Variants in SLC35D4 observed in about 807,000 individuals in gnomAD.
The protein encoded by SLC35D4 is UDP-N-acetylglucosamine transporter SLC35D4.
At chr18:23,406,896 C>T in the SLC35D4 span, among the ~76,000 whole-genome samples, 1 of 152,202 alleles carries the variant, frequency 6.6e-6, no homozygotes, top group Non-Finnish European at 1.5e-5. Flanking sequence ...CCCCAACCTC[C>T]CAGGCTCAAG....
At chr18:23,361,597 G>A in the SLC35D4 span, among the ~76,000 whole-genome samples, 1 of 152,132 alleles carries the variant, frequency 6.6e-6, no homozygotes, top group Non-Finnish European at 1.5e-5. Flanking sequence ...ACAAATCGAA[G>A]TTGCAGAGAA....
chr18:23,302,103 C>T, the SLC35D4 span, among the ~76,000 whole-genome samples: 1 of 152,146 alleles, frequency 6.6e-6, no homozygotes, highest in Non-Finnish European at 1.5e-5. Context: ...TGAAACACAC[C>T]CTTTCTCCTA....
the SLC35D4 span, among the ~76,000 whole-genome samples, chr18:23,383,585 C>G: frequency 6.6e-6 from 1 of 152,066 alleles, no homozygotes; most frequent in Non-Finnish European, 1.5e-5. Context: ...AAGCCCAGCC[C>G]TGAGGCCTGT....
the SLC35D4 span, among the ~76,000 whole-genome samples, chr18:23,328,520 G>GGTT: frequency 6.6e-6 from 1 of 152,126 alleles, no homozygotes; most frequent in Non-Finnish European, 1.5e-5. Flanking sequence ...CCTCCTCAAG[G>GGTT]AGAACTACAT....
chr18:23,370,142 G>C, the SLC35D4 span: 1 of 1,339,140 alleles, frequency 7.5e-7, no homozygotes, highest in South Asian at 1.3e-5. Context: ...CCGCGCCATT[G>C]CACTCCAGAT....
the SLC35D4 span, among the ~76,000 whole-genome samples, chr18:23,404,816 T>C: frequency 1.3e-5 from 2 of 150,272 alleles, no homozygotes; most frequent in East Asian, 2.0e-4. Context: ...TGAAACCCCA[T>C]CTCTACTAAA....
chr18:23,421,510 A>C, the SLC35D4 span: 1 of 1,447,090 alleles, frequency 6.9e-7, no homozygotes, highest in East Asian at 2.3e-5. Flanking sequence ...ATCCAGCCCC[A>C]GCAGATCTGC....
chr18:23,327,821 C>A, the SLC35D4 span, among the ~76,000 whole-genome samples: 2 of 152,274 alleles, frequency 1.3e-5, no homozygotes, highest in Middle Eastern at 3.4e-3. Context: ...TACTGGCAAA[C>A]CGAATCCAGC....
chr18:23,421,927 T>C, the SLC35D4 span, among the ~76,000 whole-genome samples: 10 of 152,194 alleles, frequency 6.6e-5, no homozygotes, highest in East Asian at 3.9e-4. Context: ...TCCTCCTGCC[T>C]TGGCCTCCCA....
the SLC35D4 span, among the ~76,000 whole-genome samples, chr18:23,374,535 G>T: frequency 6.6e-6 from 1 of 150,390 alleles, no homozygotes; most frequent in Non-Finnish European, 1.5e-5. Context: ...GCCCAGGCTG[G>T]AGTGCAATGG....
chr18:23,391,870 T>C, the SLC35D4 span, among the ~76,000 whole-genome samples: 3 of 152,190 alleles, frequency 2.0e-5, no homozygotes, highest in African/African-American at 7.2e-5. Context: ...TACTACAATA[T>C]AAATTTCTAT....
chr18:23,410,461 G>T, the SLC35D4 span, among the ~76,000 whole-genome samples: 1 of 145,726 alleles, frequency 6.9e-6, no homozygotes, highest in African/African-American at 2.6e-5. Context: ...CTGGGCAAAA[G>T]AGCGAGACTC....
chr18:23,331,375 C>G, the SLC35D4 span: 1 of 151,062 alleles, frequency 6.6e-6, no homozygotes, highest in East Asian at 1.9e-4. Flanking sequence ...GTCCTTTTCC[C>G]AGCAAGTGAA....
At chr18:23,394,868 A>G in the SLC35D4 span, among the ~76,000 whole-genome samples, 1 of 151,332 alleles carries the variant, frequency 6.6e-6, no homozygotes, top group East Asian at 1.9e-4. Flanking sequence ...CTGTAACCCC[A>G]GCTAGTCGGG....
chr18:23,371,361 C>A, the SLC35D4 span: 1 of 1,376,032 alleles, frequency 7.3e-7, no homozygotes, highest in East Asian at 2.7e-5. Flanking sequence ...TCCCAAAGTG[C>A]TGGGATTCCA....
At chr18:23,361,103 C>CAAAAAAAAAAAAAAAAAAAATAAAAA in the SLC35D4 span, among the ~76,000 whole-genome samples, 1 of 94,110 alleles carries the variant, frequency 1.1e-5, no homozygotes, top group Non-Finnish European at 2.1e-5. Flanking sequence ...GACTTTGTCT[C>CAAAAAAAAAAAAAAAAAAAATAAAAA]AAAAAAAAAA....
the SLC35D4 span, among the ~76,000 whole-genome samples, chr18:23,428,952 C>T: frequency 6.6e-6 from 1 of 152,178 alleles, no homozygotes; most frequent in African/African-American, 2.4e-5. Flanking sequence ...TTGGTTTTCT[C>T]TTTCTGTGTT....
chr18:23,380,779 TG>T, the SLC35D4 span, among the ~76,000 whole-genome samples: 1 of 146,088 alleles, frequency 6.8e-6, no homozygotes, highest in East Asian at 1.9e-4. Context: ...ACAGTCAAAC[TG>T]TGTGTGTGTG....
At chr18:23,307,589 T>C in the SLC35D4 span, among the ~76,000 whole-genome samples, 1 of 144,712 alleles carries the variant, frequency 6.9e-6, no homozygotes, top group South Asian at 2.2e-4. Flanking sequence ...TCAGAAGGCC[T>C]GTTTCCTGTC....
Sources: allele counts gnomAD v4.1 joint callset (sites outside exome capture counted in the v4.1 genomes callset), GRCh38; gene constraint gnomAD v4.1.1; transcripts MANE v1.5; gene names NCBI Gene and HGNC (gene_info 2026-07-23, HGNC 2026-07-21).